GALNT17: variants seen among roughly 807,000 people sequenced by gnomAD.
GALNT17 encodes the protein polypeptide N-acetylgalactosaminyltransferase 17.
A neutral mutation model predicts 63.7 loss-of-function variants in GALNT17; 29 were observed. The ratio of observed to expected loss-of-function variants is 0.46; its 90% CI spans 0.34 to 0.62. The LOEUF is 0.62. GALNT17 is among the 20% of genes least tolerant of loss of function. GALNT17 has a pLI of 0.01. For missense variants in GALNT17, 603 were observed against 799.6 expected (o/e 0.75, Z 2.97); for synonymous variants, 305 against 318.3 (o/e 0.96, Z 0.45).
intron 2 of GALNT17, among the ~76,000 whole-genome samples, chr7:71,343,148 T>C (rs941509110): frequency 4.6e-5 from 7 of 152,178 alleles, no homozygotes; most frequent in Admixed American, 4.6e-4. Context: ...CATCAAAGAG[T>C]TGTAAGGCTC....
chr7:71,298,365 G>A (rs1271632330), intron 1 of GALNT17, among the ~76,000 whole-genome samples: 5 of 94,320 alleles, frequency 5.3e-5, no homozygotes, highest in African/African-American at 1.7e-4. Flanking sequence ...ACTAATGGCT[G>A]TACTTTTTGC....
intron 9 of GALNT17, among the ~76,000 whole-genome samples, chr7:71,707,956 G>A (rs930045465): frequency 5.3e-5 from 8 of 152,202 alleles, no homozygotes; most frequent in Non-Finnish European, 1.5e-5. Context: ...TGCCATGGGT[G>A]TATAGAAGGA....
In GALNT17 at chr7:71,709,698, A is replaced by C. The variant is rs967178524; in HGVS notation, c.1501-1063A>C. Among the ~76,000 whole-genome samples, 13 of 152,074 alleles carry C rather than the reference A, an allele frequency of 8.5e-5. 1 individual carries two copies. Among genetic ancestry groups the C allele is most frequent in the African/African-American group, 3.1e-4 (13 of 41,496 alleles). On this transcript the variant is annotated intron_variant, in intron 9 of 10. Transcript: ENST00000333538. ...CTGCAACCTCCGCACCCCCAGGTTC[A>C]AGCAATTCTCCTGCCTCAGCCTCCT...
chr7:71,551,355 T>C (rs1789073106), intron 5 of GALNT17, among the ~76,000 whole-genome samples: 1 of 152,216 alleles, frequency 6.6e-6, no homozygotes, highest in Non-Finnish European at 1.5e-5. Flanking sequence ...GCCAAAAATT[T>C]TAAGCTTGCT....
chr7:71,529,688 G>A (rs1244092071), intron 5 of GALNT17, among the ~76,000 whole-genome samples: 1 of 152,092 alleles, frequency 6.6e-6, no homozygotes, highest in Non-Finnish European at 1.5e-5. Context: ...TTTTTTCTTT[G>A]CATAAAGGGA....
At chr7:71,569,833 A>G (rs1162617521) in intron 5 of GALNT17, among the ~76,000 whole-genome samples, 1 of 152,198 alleles carries the variant, frequency 6.6e-6, no homozygotes, top group Non-Finnish European at 1.5e-5. Flanking sequence ...TATTGCTGCA[A>G]TGAACGTAGG....
chr7:71,526,204 T>A (rs1788621254), intron 5 of GALNT17, among the ~76,000 whole-genome samples: 1 of 152,184 alleles, frequency 6.6e-6, no homozygotes, highest in Non-Finnish European at 1.5e-5. Context: ...GATGTTAGAC[T>A]TTTTTCCTGG....
intron 1 of GALNT17, among the ~76,000 whole-genome samples, chr7:71,251,498 C>T (rs939204094): frequency 3.3e-5 from 5 of 152,012 alleles, no homozygotes; most frequent in Non-Finnish European, 7.4e-5. Flanking sequence ...CAGCCTTGAA[C>T]TCCTGGGTTC....
At chr7:71,427,755 C>T (rs1563084815) in intron 5 of GALNT17, among the ~76,000 whole-genome samples, 1 of 152,100 alleles carries the variant, frequency 6.6e-6, no homozygotes, top group African/African-American at 2.4e-5. Context: ...GCAAGCAAAG[C>T]TTCATCTGTA....
chr7:71,407,839 T>G (rs774108940), intron 3 of GALNT17, among the ~76,000 whole-genome samples: 7 of 152,106 alleles, frequency 4.6e-5, no homozygotes, highest in Non-Finnish European at 7.3e-5. Flanking sequence ...TACGACTCCA[T>G]TTTCATGAAC....
At chr7:71,272,097 T>A (rs1242420031) in intron 1 of GALNT17, among the ~76,000 whole-genome samples, 1 of 152,212 alleles carries the variant, frequency 6.6e-6, no homozygotes, top group Admixed American at 6.5e-5. Flanking sequence ...TAGACTGTCA[T>A]ACATTGGAAA....
chr7:71,477,439 C>T (rs1403443901), intron 5 of GALNT17, among the ~76,000 whole-genome samples: 1 of 152,162 alleles, frequency 6.6e-6, no homozygotes, highest in Non-Finnish European at 1.5e-5. Context: ...CGAGGTTACC[C>T]TACCCCTCCA....
At chr7:71,595,160 G>A (rs1294672635) in intron 6 of GALNT17, among the ~76,000 whole-genome samples, 1 of 152,212 alleles carries the variant, frequency 6.6e-6, no homozygotes, top group East Asian at 1.9e-4. Flanking sequence ...AGTGGCCCAT[G>A]CCTGTGATGC....
At chr7:71,296,790 C>G (rs1211378574) in intron 1 of GALNT17, among the ~76,000 whole-genome samples, 2 of 151,728 alleles carry the variant, frequency 1.3e-5, no homozygotes, top group African/African-American at 2.4e-5. Flanking sequence ...TTTAATATAG[C>G]ATGTGTAATA....
intron 9 of GALNT17, among the ~76,000 whole-genome samples, chr7:71,693,819 T>TAA (rs10695372): frequency 0.23 from 32,973 of 144,890 alleles, 4,408 homozygotes; most frequent in Non-Finnish European, 0.31. Context: ...TAAAAAAAGT[T>TAA]AAAAAAAAAA....
At chr7:71,190,804 G>A (rs991582729) in intron 1 of GALNT17, among the ~76,000 whole-genome samples, 8 of 151,380 alleles carry the variant, frequency 5.3e-5, no homozygotes, top group South Asian at 4.2e-4. Flanking sequence ...CCTGTATTTT[G>A]TATTTTTTGT....
chr7:71,627,541 A>G (rs1234201259), intron 6 of GALNT17, among the ~76,000 whole-genome samples: 1 of 152,222 alleles, frequency 6.6e-6, no homozygotes, highest in East Asian at 1.9e-4. Flanking sequence ...TGGCCAGAGT[A>G]GTGAGAACAG....
chr7:71,710,235 C>T (rs1314323890), intron 9 of GALNT17, among the ~76,000 whole-genome samples: 1 of 152,124 alleles, frequency 6.6e-6, no homozygotes, highest in Non-Finnish European at 1.5e-5. Flanking sequence ...CAGGGCCGGG[C>T]GCCGTGGCTC....
chr7:71,559,419 G>A (rs568572238), intron 5 of GALNT17, among the ~76,000 whole-genome samples: 2 of 152,276 alleles, frequency 1.3e-5, no homozygotes, highest in African/African-American at 4.8e-5. Flanking sequence ...ACCTGGGAGG[G>A]GCGAGAGATC....
Sources: allele counts gnomAD v4.1 joint callset (sites outside exome capture counted in the v4.1 genomes callset), GRCh38; gene constraint gnomAD v4.1.1; transcripts MANE v1.5; gene names NCBI Gene and HGNC (gene_info 2026-07-23, HGNC 2026-07-21).